LITAF: variants seen among roughly 807,000 people sequenced by gnomAD.
LITAF encodes lipopolysaccharide induced TNF factor.
A neutral mutation model predicts 14.5 loss-of-function variants in LITAF; 9 were observed. The observed-to-expected ratio is 0.62, with a 90% CI of 0.37 to 1.08. The LOEUF is 1.08. Ranked by LOEUF, LITAF falls within the 50% of genes least tolerant of loss-of-function variation. The pLI is 0.01. For synonymous variants in LITAF, 98 were observed against 88.2 expected, an observed-to-expected ratio of 1.11 and a Z score of -0.62; for missense variants, 206 against 213.4, an observed-to-expected ratio of 0.97 and a Z score of 0.22.
chr16:11,625,492 G>A (rs990783495), intron 3 of LITAF, among the ~76,000 whole-genome samples: 2 of 151,928 alleles, frequency 1.3e-5, no homozygotes, highest in African/African-American at 4.8e-5. Flanking sequence ...CCAACTCCTG[G>A]GCTCAAGCAA....
At chr16:11,611,922 C>T (rs1183327400) in intron 3 of LITAF, among the ~76,000 whole-genome samples, 1 of 152,188 alleles carries the variant, frequency 6.6e-6, no homozygotes, top group African/African-American at 2.4e-5. Flanking sequence ...ACCTCGGCCT[C>T]CCAAAGTGCT....
chr16:11,639,067 G>A (rs372551694), upstream of LITAF, among the ~76,000 whole-genome samples: 12 of 152,116 alleles, frequency 7.9e-5, no homozygotes, highest in African/African-American at 2.4e-4. Context: ...GAGGGATAGA[G>A]GGATGGATGG....
At chr16:11,607,156 T>A (rs1013781165) in intron 3 of LITAF, among the ~76,000 whole-genome samples, 13 of 152,164 alleles carry the variant, frequency 8.5e-5, no homozygotes, top group Non-Finnish European at 1.2e-4. Context: ...CGTTTTCTGT[T>A]CCAAAGTTGG....
chr16:11,580,085 C>G (rs114776535), intron 1 of LITAF, among the ~76,000 whole-genome samples: 225 of 152,284 alleles, frequency 1.5e-3, no homozygotes, highest in African/African-American at 5.1e-3. Flanking sequence ...TTGGAGCATT[C>G]TGGATTTTGG....
chr16:11,573,643 A>G (rs1211863911), intron 1 of LITAF, among the ~76,000 whole-genome samples: 3 of 150,554 alleles, frequency 2.0e-5, no homozygotes, highest in Non-Finnish European at 4.4e-5. Context: ...ATGTTTAATG[A>G]GGCAGGAGAG....
chr16:11,597,509 C>T (rs2141859461), intron 1 of LITAF, among the ~76,000 whole-genome samples: 1 of 152,202 alleles, frequency 6.6e-6, no homozygotes, highest in African/African-American at 2.4e-5. Flanking sequence ...CAATACAGGC[C>T]CAGAGAGGTC....
At chr16:11,639,732 T>C (rs2065157187), upstream of LITAF, among the ~76,000 whole-genome samples, 1 of 152,152 alleles carries the variant, frequency 6.6e-6, no homozygotes, top group African/African-American at 2.4e-5. Flanking sequence ...CAGTGGCTCA[T>C]GCCTGTAATC....
rs550758397 is a variant in LITAF at position 11,571,503 on chromosome 16, G to T, written c.-5-14768C>A. On this transcript the variant is annotated intron_variant, in intron 1 of 3. Transcript: ENST00000622633. Reference sequence around the variant, plus strand: ...ACTCATCCATCCACCCTCATAGCTGGGTTGCCCAGATTCCCCACTGGCCCT... The same window carrying T: ...ACTCATCCATCCACCCTCATAGCTGTGTTGCCCAGATTCCCCACTGGCCCT... 3.9e-5 allele frequency among the ~76,000 whole-genome samples: 6 copies of T among 152,242 alleles called. No homozygotes were observed. The South Asian group carries it at 6.2e-4, about 16-fold the overall frequency.
chr16:11,614,575 C>G (rs895746379), intron 3 of LITAF, among the ~76,000 whole-genome samples: 4 of 152,004 alleles, frequency 2.6e-5, no homozygotes, highest in African/African-American at 4.8e-5. Flanking sequence ...GCTGGGATTA[C>G]AGGCATGAGC....
Position 11,596,069 on chromosome 16 carries a change from C to A in LITAF, c.-6+2319G>T, listed in dbSNP as rs9939408. 4.0e-3 allele frequency among the ~76,000 whole-genome samples: 606 copies of A among 152,266 alleles called. 6 individuals carry two copies. Among genetic ancestry groups the A allele is most frequent in the African/African-American group, 0.014 (576 of 41,550 alleles). On this transcript the variant is annotated intron_variant, in intron 1 of 3. Transcript: ENST00000571627. ...GGTCACCGTCTGGGGGTGATGGCAC[C>A]TGCAGCCAGTGGCACAGGTAGAGGC...
chr16:11,638,707 A>C (rs1274627440), upstream of LITAF, among the ~76,000 whole-genome samples: 1 of 51,956 alleles, frequency 1.9e-5, no homozygotes, highest in Non-Finnish European at 3.1e-5. Flanking sequence ...GTCTCAAAAA[A>C]AAAAAAAAAA....
chr16:11,576,333 G>T (rs2064632533), intron 1 of LITAF, among the ~76,000 whole-genome samples: 1 of 152,020 alleles, frequency 6.6e-6, no homozygotes, highest in Admixed American at 6.6e-5. Context: ...GCTGGGCAAG[G>T]TGGTGCATGC....
intron 3 of LITAF, among the ~76,000 whole-genome samples, chr16:11,611,647 T>C (rs1363999695): frequency 1.3e-5 from 2 of 151,592 alleles, no homozygotes; most frequent in African/African-American, 4.8e-5. Flanking sequence ...TTTTCTTTCT[T>C]TCTTTTCTTT....
intron 3 of LITAF, among the ~76,000 whole-genome samples, chr16:11,633,221 G>A (rs1271467328): frequency 6.6e-6 from 1 of 152,178 alleles, no homozygotes; most frequent in Non-Finnish European, 1.5e-5. Flanking sequence ...CAGGGAAGTG[G>A]CCCAGCCTGA....
chr16:11,577,048 C>G (rs956339260), intron 1 of LITAF, among the ~76,000 whole-genome samples: 2 of 152,230 alleles, frequency 1.3e-5, no homozygotes, highest in Non-Finnish European at 2.9e-5. Flanking sequence ...ACCACATGAT[C>G]TAGCCCTTGA....
chr16:11,609,872 T>C (rs374139102), intron 3 of LITAF, among the ~76,000 whole-genome samples: 258 of 152,354 alleles, frequency 1.7e-3, no homozygotes, highest in African/African-American at 5.9e-3. Flanking sequence ...TGGCCAGTGA[T>C]GGAAACAAAT....
At chr16:11,618,061 A>G (rs2065028867) in intron 3 of LITAF, among the ~76,000 whole-genome samples, 1 of 152,090 alleles carries the variant, frequency 6.6e-6, no homozygotes, top group Non-Finnish European at 1.5e-5. Context: ...TTGTTCGAAG[A>G]GATGGGGTCT....
chr16:11,578,097 A>G (rs1350925319), intron 1 of LITAF, among the ~76,000 whole-genome samples: 1 of 151,926 alleles, frequency 6.6e-6, no homozygotes, highest in East Asian at 1.9e-4. Flanking sequence ...GGGGGTCTCA[A>G]TATGTTGCTC....
At chr16:11,587,321 G>C (rs775926321), upstream of LITAF, 23 of 447,654 alleles carry the variant, frequency 5.1e-5, no homozygotes, top group Non-Finnish European at 2.7e-5. Flanking sequence ...CCACTTCCAG[G>C]CGGCGGGACC....
Sources: gnomAD v4.1 joint callset for allele counts (sites outside exome capture counted in the v4.1 genomes callset) on GRCh38, gnomAD v4.1.1 for gene constraint, MANE v1.5 for transcripts, NCBI Gene and HGNC (gene_info 2026-07-23, HGNC 2026-07-21) for gene names.